The following DNAH3 variants were observed in gnomAD, a reference collection of about 807,000 sequenced individuals.
DNAH3 encodes the protein dynein axonemal heavy chain 3.
DNAH3 carries 332 observed loss-of-function variants against 432.5 expected under a neutral mutation model. The observed-to-expected ratio is 0.77, with a 90% confidence interval of 0.70 to 0.84. DNAH3 has a LOEUF of 0.84. Among genes scored for constraint, DNAH3 ranks in the 40% least tolerant of loss-of-function variants. The pLI is 0.00. For missense variants in DNAH3, 4,861 were observed against 5,114.0 expected (o/e 0.95, Z 1.51); for synonymous variants, 1,956 against 1,900.2 (o/e 1.03, Z -0.76).
rs1395138348 is a variant in DNAH3, at chr16:21,158,169, A to G, written c.117+1156T>C. On this transcript the variant is annotated intron_variant, in intron 1 of 61. Transcript: ENST00000261383. ...TCTCAGCCTGGACTTTTTCATGTGT[A>G]AAATGGACATCCAATCCATCTGAAA... Among the ~76,000 whole-genome samples the G allele has an allele frequency of 3.9e-5, 6 of 152,362 alleles. No homozygotes were observed. The South Asian group carries it at 6.2e-4, about 16-fold the overall frequency.
At chr16:21,122,273 G>A in intron 9 of DNAH3, 149 bp from the exon 11 acceptor site, 1 of 657,806 alleles carries the variant, frequency 1.5e-6, no homozygotes, top group Middle Eastern at 2.7e-4. Context: ...TATGGGCTGG[G>A]GCTGGGCACC....
chr16:21,004,137 G>A (rs1232137733), intron 41 of DNAH3, among the ~76,000 whole-genome samples: 1 of 152,130 alleles, frequency 6.6e-6, no homozygotes, highest in African/African-American at 2.4e-5. Context: ...GTCATTAAGG[G>A]ATTAAAGTCA....
At chr16:21,037,163 G>A (rs2089212979) in intron 34 of DNAH3, among the ~76,000 whole-genome samples, 3 of 152,102 alleles carry the variant, frequency 2.0e-5, no homozygotes, top group African/African-American at 7.2e-5. Context: ...ACAAAATTCA[G>A]CTGTGCATGG....
rs146775311 is a variant in DNAH3 at position 21,121,992 on chromosome 16, G to A, written c.1537C>T (p.Arg513Cys). Residue 513 changes from arginine (R) to cysteine (C), a missense_variant, in exon 10 of 62, where the codon CGT becomes TGT. Transcript: ENST00000261383. Reference sequence around the variant, plus strand: ...TTAATAATTTCCAGGAAAGAGTCACGTATTAATTCCCAGCAGCCATCAAAA... The same window carrying A: ...TTAATAATTTCCAGGAAAGAGTCACATATTAATTCCCAGCAGCCATCAAAA... 392 of 1,613,674 alleles carry A rather than the reference G, an allele frequency of 2.4e-4. 2 individuals are homozygous for A. In the African/African-American group the frequency reaches 3.4e-3, roughly 14 times the overall value.
chr16:20,964,196 T>C lies in DNAH3; in HGVS notation c.9688A>G (p.Lys3230Glu), dbSNP rs763921979. The change falls in exon 53 of 62, where the codon AAG (lysine) becomes GAG (glutamate). Residue 3230 changes from lysine (K) to glutamate (E), a missense_variant. Coordinates refer to ENST00000261383, the Ensembl canonical transcript of DNAH3. ...ATTTCCTTGAGATGCTTCTTGTTCTTGGCACTTTCCACAATCAACTGGTTC... is the reference window on the plus strand; with the variant it reads ...ATTTCCTTGAGATGCTTCTTGTTCTCGGCACTTTCCACAATCAACTGGTTC... The C allele has an allele frequency of 6.8e-6, 11 of 1,614,164 alleles. No individual in the cohort carries two copies. In the Admixed American group the frequency reaches 1.2e-4, roughly 17 times the overall value.
chr16:20,943,363 C>T (rs1039345382), intron 58 of DNAH3, among the ~76,000 whole-genome samples: 2 of 151,990 alleles, frequency 1.3e-5, no homozygotes, highest in Non-Finnish European at 2.9e-5. Flanking sequence ...TAGGCATGAG[C>T]CATGGCACCC....
intron 49 of DNAH3, among the ~76,000 whole-genome samples, chr16:20,982,166 G>A (rs1343031332): frequency 1.3e-5 from 2 of 151,776 alleles, no homozygotes; most frequent in East Asian, 1.9e-4. Context: ...GGCAGATTAC[G>A]TGAGGTCAGG....
At chr16:21,142,724 G>A (rs1036429663) in intron 3 of DNAH3, among the ~76,000 whole-genome samples, 5 of 149,330 alleles carry the variant, frequency 3.3e-5, no homozygotes, top group African/African-American at 9.9e-5. Flanking sequence ...CATGATTTCA[G>A]CTCACTGCAA....
chr16:20,950,470 C>T (rs924107051), intron 56 of DNAH3, among the ~76,000 whole-genome samples: 2 of 152,204 alleles, frequency 1.3e-5, no homozygotes, highest in African/African-American at 4.8e-5. Context: ...CAAATAGCCA[C>T]TGGGGGCTGA....
exon 23 of DNAH3, chr16:21,069,504 T>C: frequency 6.2e-7 from 1 of 1,614,122 alleles, no homozygotes; most frequent in East Asian, 2.2e-5. Flanking sequence ...TCCTCTGAAC[T>C]GAAGATTGGT....
At chr16:21,039,685 G>A (rs1257747155) in intron 33 of DNAH3, among the ~76,000 whole-genome samples, 167 bp downstream of exon 33, 1 of 152,112 alleles carries the variant, frequency 6.6e-6, no homozygotes, top group Non-Finnish European at 1.5e-5. Context: ...TCAGAAATGG[G>A]GCAAGACCAA....
chr16:21,040,704 A>G (rs1386749198), intron 32 of DNAH3, among the ~76,000 whole-genome samples: 1 of 152,106 alleles, frequency 6.6e-6, no homozygotes, highest in Non-Finnish European at 1.5e-5. Context: ...GCTACCGACT[A>G]GCATGGGCAA....
intron 55 of DNAH3, 138 bp from the exon 56 acceptor site, chr16:20,952,687 C>A: frequency 1.6e-6 from 1 of 613,096 alleles, no homozygotes; most frequent in Non-Finnish European, 3.0e-6. Context: ...CCGAGGCCAA[C>A]TATTAGCCTG....
Position 20,981,797 on chromosome 16 carries a change from A to C in DNAH3, c.7859+924T>G, listed in dbSNP as rs532675871. 2.6e-5 allele frequency among the ~76,000 whole-genome samples: 4 copies of C among 152,028 alleles called. No individual in the cohort carries two copies. In the South Asian group the frequency reaches 8.3e-4, roughly 32 times the overall value. ...ACCTACTGTGTGCCAAGCACCTTCT[A>C]GAAACTAAGGAAACAGAGGTAGACA... On this transcript the variant is annotated intron_variant, in intron 49 of 61. Coordinates refer to ENST00000261383, the Ensembl canonical transcript of DNAH3.
intron 20 of DNAH3, among the ~76,000 whole-genome samples, chr16:21,078,275 CAAAAAAAAAAAA>C (rs1202846920): frequency 1.2e-5 from 1 of 83,868 alleles, no homozygotes; most frequent in Non-Finnish European, 2.3e-5. Flanking sequence ...AATTCCGTCT[CAAAAAAAAAAAA>C]AAAAAAAAGA....
At chr16:21,098,632 G>A (rs748218982) in exon 17 of DNAH3, 27 of 1,612,520 alleles carry the variant, frequency 1.7e-5, no homozygotes, top group African/African-American at 2.7e-5. Context: ...CTCTGCAAAC[G>A]CCCGATTTAG....
intron 37 of DNAH3, among the ~76,000 whole-genome samples, chr16:21,030,153 T>C (rs951691406): frequency 2.0e-5 from 3 of 152,194 alleles, no homozygotes; most frequent in African/African-American, 7.2e-5. Flanking sequence ...ATGTGACCTG[T>C]CTGCCTCCAT....
intron 5 of DNAH3, among the ~76,000 whole-genome samples, chr16:21,137,189 C>G (rs923667960): frequency 2.0e-5 from 3 of 151,166 alleles, no homozygotes; most frequent in African/African-American, 7.3e-5. Context: ...ATTTACCCCC[C>G]GGAAGCTTTC....
intron 41 of DNAH3, among the ~76,000 whole-genome samples, chr16:21,006,609 C>T (rs1014562362): frequency 2.7e-4 from 41 of 152,280 alleles, no homozygotes; most frequent in African/African-American, 9.4e-4. Context: ...TCTATAAATT[C>T]GCCTATTCTG....
Sources: gnomAD v4.1 joint callset for allele counts (sites outside exome capture counted in the v4.1 genomes callset) on GRCh38, gnomAD v4.1.1 for gene constraint, MANE v1.5 for transcripts, NCBI Gene and HGNC (gene_info 2026-07-23, HGNC 2026-07-21) for gene names.